The following KAT6A variants were observed in gnomAD, a reference collection of about 807,000 sequenced individuals.
The protein encoded by KAT6A is histone acetyltransferase KAT6A.
Under a neutral mutation model 198.4 loss-of-function variants are expected in KAT6A, and 9 were observed. The observed-to-expected ratio is 0.05, with a 90% confidence interval of 0.03 to 0.08. KAT6A has a LOEUF of 0.08. KAT6A is among the 10% of genes least tolerant of loss of function. The probability of loss-of-function intolerance (pLI) is 1.00; values close to 1 mark genes in which losing one functional copy is unlikely to be tolerated. For synonymous variants in KAT6A, 890 were observed against 883.0 expected (o/e 1.01, Z -0.14); for missense variants, 2,077 against 2,509.9 (o/e 0.83, Z 3.69).
intron 2 of KAT6A, among the ~76,000 whole-genome samples, chr8:42,023,119 T>C (rs911362188): frequency 6.6e-6 from 1 of 152,206 alleles, no homozygotes; most frequent in Non-Finnish European, 1.5e-5. Context: ...TGGTAAGATT[T>C]TGAGTATCTA....
chr8:41,989,434 G>A (rs182207674), intron 2 of KAT6A, among the ~76,000 whole-genome samples: 114 of 152,158 alleles, frequency 7.5e-4, no homozygotes, highest in African/African-American at 2.4e-3. Flanking sequence ...GCTTGAACCC[G>A]GGAGGTAGAG....
chr8:42,017,575 T>C (rs973475256), intron 2 of KAT6A, among the ~76,000 whole-genome samples: 2 of 152,122 alleles, frequency 1.3e-5, no homozygotes, highest in African/African-American at 2.4e-5. Flanking sequence ...AGGAATGAAT[T>C]TGCAGACAGA....
At chr8:41,976,986 T>C in intron 7 of KAT6A, 22 bp downstream of exon 7, 3 of 1,546,682 alleles carry the variant, frequency 1.9e-6, no homozygotes, top group Non-Finnish European at 2.6e-6. Context: ...TATTTGTTTC[T>C]AAGTCTGTTC....
chr8:42,038,537 C>T (rs1827486938), intron 2 of KAT6A, among the ~76,000 whole-genome samples: 1 of 152,142 alleles, frequency 6.6e-6, no homozygotes, highest in Admixed American at 6.5e-5. Context: ...AGTACTACAG[C>T]ATAATGAAAA....
chr8:41,944,993 CTTTG>C (rs1170973661), intron 12 of KAT6A, among the ~76,000 whole-genome samples: 1 of 152,144 alleles, frequency 6.6e-6, no homozygotes, highest in South Asian at 2.1e-4. Flanking sequence ...AATCAAAATC[CTTTG>C]TTTGAACCAT....
chr8:41,949,456 C>G (rs1281940023), intron 9 of KAT6A, 93 bp from the exon 10 acceptor site: 1 of 913,132 alleles, frequency 1.1e-6, no homozygotes, highest in Non-Finnish European at 1.5e-6. Flanking sequence ...CTCATTACTA[C>G]CCAGGTAACA....
intron 1 of KAT6A, chr8:42,049,506 A>G (rs189527058): frequency 1.6e-3 from 267 of 164,136 alleles, no homozygotes; most frequent in Non-Finnish European, 3.1e-3. Flanking sequence ...AAAAAAAAAG[A>G]TGAGTAATTA....
In KAT6A at chr8:41,933,434, T is replaced by C. The variant is rs1420009821; in HGVS notation, c.4786A>G (p.Ser1596Gly). Residue 1596 changes from serine (S) to glycine (G), a missense_variant, in exon 17 of 17, where the codon AGC becomes GGC. Physicochemically the swap from Ser to Gly is moderately conservative, Grantham distance 56. This residue lies in a region of KAT6A where 500 missense variants were observed against 577.2 expected (regional missense o/e 0.87). Transcript: ENST00000265713. This position sits in a 1 kb window ranked among gnomAD's most constrained non-coding sequence, Gnocchi z 6.2. ...SCSYGGLSSS[S>G]SLTQSSCVVT... ...ACACAGCTGCTCTGGGTGAGGCTGC[T>C]GGAGGACGACAGCCCACCGTAGGAG... 6.2e-7 allele frequency: 1 copy of C among 1,612,620 alleles called. No individual in the cohort carries two copies. The highest frequency in any genetic ancestry group is 1.7e-5 in the Admixed American group (1 of 59,980).
intron 8 of KAT6A, among the ~76,000 whole-genome samples, chr8:41,963,751 CTACT>C (rs1340451313): frequency 2.6e-5 from 4 of 152,124 alleles, no homozygotes; most frequent in Non-Finnish European, 4.4e-5. Flanking sequence ...TATTTAGCTA[CTACT>C]TAACTACTTT....
Position 41,933,202 on chromosome 8 carries a change from G to A in KAT6A, c.5018C>T (p.Pro1673Leu), listed in dbSNP as rs1399694239. The change falls in exon 17 of 17, where the codon CCA becomes CTA. Residue 1673 changes from proline to leucine, a missense_variant. This residue lies in a region of KAT6A where 500 missense variants were observed against 577.2 expected (regional missense o/e 0.87). Coordinates refer to ENST00000265713, the MANE Select transcript of KAT6A (RefSeq NM_006766.5). The surrounding 1 kb of genome is among the most constrained non-coding windows in gnomAD (Gnocchi z 6.2). The part of the protein sequence containing the change: ...PPQPQPAPQP[P>L]PPQQQPQQQP... The stretch of plus-strand genomic sequence containing the variant: ...CTGTTGCGGCTGCTGCTGGGGTGGT[G>A]GAGGCTGTGGTGCTGGTTGTGGTTG... 7.6e-6 allele frequency: 12 copies of A among 1,580,826 alleles called. No individual in the cohort carries two copies. The highest frequency in any genetic ancestry group is 1.0e-5 in the Non-Finnish European group (12 of 1,166,844).
rs774424949 is a variant in KAT6A, at chr8:41,957,158, C to T, written c.1483-1747G>A. On this transcript the variant is annotated intron_variant, in intron 8 of 16. Transcript: ENST00000265713. ...TATCCAGTTCCAGTACAGCTGTTTG[C>T]ACATCACCACAACTGCGCACGTCTG... The T allele has an allele frequency of 6.7e-6, 4 of 596,348 alleles. No homozygotes were observed. The highest frequency in any genetic ancestry group is 1.0e-5 in the Non-Finnish European group (3 of 298,484). 36.9% of individuals were successfully genotyped at this position (596,348 alleles called of 1,614,324 possible).
At chr8:42,016,926 C>T (rs1198869339) in intron 2 of KAT6A, among the ~76,000 whole-genome samples, 2 of 152,072 alleles carry the variant, frequency 1.3e-5, no homozygotes, top group Non-Finnish European at 2.9e-5. Context: ...GCACTACATA[C>T]ACTTTTATTT....
chr8:42,002,626 G>A (rs1043872358), intron 2 of KAT6A, among the ~76,000 whole-genome samples: 1 of 152,062 alleles, frequency 6.6e-6, no homozygotes, highest in Non-Finnish European at 1.5e-5. Context: ...ACACAGACGA[G>A]TCCACAGCAG....
In KAT6A at chr8:41,934,643, C is replaced by T. The variant is rs34620183; in HGVS notation, c.3577G>A (p.Val1193Ile). ...STQACVIEPI[V>I]SIPKAGRKPK... ...TTACGTCCAGCTTTAGGAATGGAAACGATGGGCTCAATGACGCATGCTTGA... is the reference window on the plus strand; with the variant it reads ...TTACGTCCAGCTTTAGGAATGGAAATGATGGGCTCAATGACGCATGCTTGA... Residue 1193 changes from valine (V) to isoleucine (I), a missense_variant, in exon 17 of 17, where the codon GTT becomes ATT. By Grantham distance (29) the Val-to-Ile change is conservative (BLOSUM62 3). This residue lies in a region of KAT6A where 375 missense variants were observed against 383.0 expected (regional missense o/e 0.98). Transcript: ENST00000265713. 2,919 of 1,614,094 alleles carry T rather than the reference C, an allele frequency of 1.8e-3. 37 individuals are homozygous for T. In the African/African-American group the frequency reaches 0.031, roughly 17 times the overall value.
intron 2 of KAT6A, among the ~76,000 whole-genome samples, chr8:42,039,396 C>G (rs1827529593): frequency 6.6e-6 from 1 of 152,192 alleles, no homozygotes; most frequent in Non-Finnish European, 1.5e-5. Context: ...ATTTAGTCCT[C>G]TTACATAGCT....
intron 16 of KAT6A, among the ~76,000 whole-genome samples, chr8:41,935,951 A>G (rs1290730040): frequency 6.6e-6 from 1 of 152,270 alleles, no homozygotes; most frequent in African/African-American, 2.4e-5. Flanking sequence ...GAACACATTC[A>G]TCTTATCACT....
chr8:42,008,400 C>T (rs945172479), intron 2 of KAT6A, among the ~76,000 whole-genome samples: 32 of 152,120 alleles, frequency 2.1e-4, no homozygotes, highest in African/African-American at 7.7e-4. Flanking sequence ...TGCAGTGGCA[C>T]AATCTTGGCT....
Position 41,974,835 on chromosome 8 carries a change from A to T in KAT6A, c.1364-13T>A. 1 of 1,554,162 alleles carries T rather than the reference A, an allele frequency of 6.4e-7. No homozygotes were observed. Among genetic ancestry groups the T allele is most frequent in the Non-Finnish European group, 8.8e-7 (1 of 1,131,024 alleles). ...CCATCCTGATTGTCTACATATAAAAAAAGAGCTCACATGTTAACTGTCCCC... is the reference window on the plus strand; with the variant it reads ...CCATCCTGATTGTCTACATATAAAATAAGAGCTCACATGTTAACTGTCCCC... On this transcript the variant is annotated splice_polypyrimidine_tract_variant and intron_variant, in intron 7 of 16. Coordinates refer to ENST00000265713, the MANE Select transcript of KAT6A (RefSeq NM_006766.5).
intron 2 of KAT6A, among the ~76,000 whole-genome samples, chr8:42,040,816 G>A (rs1827630720): frequency 6.6e-6 from 1 of 150,948 alleles, no homozygotes. Flanking sequence ...ATTAGTAATG[G>A]CTAACCCAAG....
Sources: allele counts gnomAD v4.1 joint callset (sites outside exome capture counted in the v4.1 genomes callset), GRCh38; gene constraint gnomAD v4.1.1; regional missense constraint gnomAD v4.1.1; non-coding constraint Gnocchi (gnomAD v3.1); transcripts MANE v1.5; gene names NCBI Gene and HGNC (gene_info 2026-07-23, HGNC 2026-07-21).